Variants in BRINP3 observed in about 807,000 individuals in gnomAD.
BRINP3 encodes the protein BMP/retinoic acid-inducible neural-specific protein 3.
In BRINP3, 19 loss-of-function variants were observed where a neutral mutation model predicts 71.0. The ratio of observed to expected loss-of-function variants is 0.27; its 90% CI spans 0.19 to 0.39. The LOEUF is 0.39. Ranked by LOEUF, BRINP3 falls within the 10% of genes least tolerant of loss-of-function variation. The pLI is 1.00. For missense variants in BRINP3, 959 were observed against 940.8 expected (o/e 1.02, Z -0.25); for synonymous variants, 380 against 337.7 (o/e 1.13, Z -1.37).
chr1:190,220,356 C>T (rs1316811692), intron 6 of BRINP3, among the ~76,000 whole-genome samples: 4 of 151,776 alleles, frequency 2.6e-5, no homozygotes, highest in Non-Finnish European at 4.4e-5. Flanking sequence ...ATCACACGGA[C>T]ACAGGGAGAG....
intron 7 of BRINP3, among the ~76,000 whole-genome samples, chr1:190,157,949 C>G (rs1158733980): frequency 6.6e-6 from 1 of 152,020 alleles, no homozygotes; most frequent in Non-Finnish European, 1.5e-5. Context: ...AAAATAAAAT[C>G]ACGTCCTTTG....
intron 2 of BRINP3, among the ~76,000 whole-genome samples, chr1:190,352,408 A>G (rs1668447521): frequency 1.3e-5 from 2 of 152,014 alleles, no homozygotes; most frequent in Admixed American, 6.6e-5. Flanking sequence ...CATAGGTGCT[A>G]AATATTCTGC....
In BRINP3 at chr1:190,412,896, A is replaced by G. The variant is rs543652293; in HGVS notation, c.236+41759T>C. On this transcript the variant is annotated intron_variant, in intron 2 of 7. Transcript: ENST00000367462. ...ATTTAAAAAATAAAAGTAATTTACA[A>G]AAAGAAAGAAGAAAGGGAGAGAGAG... Among the ~76,000 whole-genome samples, 6 of 152,286 alleles carry G rather than the reference A, an allele frequency of 3.9e-5. No individual in the cohort carries two copies. In the East Asian group the frequency reaches 1.2e-3, roughly 29 times the overall value.
chr1:190,335,234 G>T (rs1667212108), intron 2 of BRINP3, among the ~76,000 whole-genome samples: 1 of 151,796 alleles, frequency 6.6e-6, no homozygotes, highest in South Asian at 2.1e-4. Flanking sequence ...AGCATGAACT[G>T]AAGATTAAAC....
chr1:190,240,561 A>T (rs891933500), intron 4 of BRINP3, among the ~76,000 whole-genome samples: 7 of 151,984 alleles, frequency 4.6e-5, no homozygotes, highest in African/African-American at 1.7e-4. Context: ...ATATATGAAG[A>T]ATTAGGGTAT....
rs192009168 is a variant in BRINP3, at chr1:190,375,585, C to T, written c.236+79070G>A. Among the ~76,000 whole-genome samples the T allele has an allele frequency of 2.4e-4, 37 of 151,954 alleles. No homozygotes were observed. In the East Asian group the frequency reaches 5.4e-3, roughly 22 times the overall value. Reference sequence around the variant, plus strand: ...TATATTTTAATAGGAAAGAGACCAACCCAACAGAAAATAGGCAACACATAT... The same window carrying T: ...TATATTTTAATAGGAAAGAGACCAATCCAACAGAAAATAGGCAACACATAT... On this transcript the variant is annotated intron_variant, in intron 2 of 7. Coordinates refer to ENST00000367462, the MANE Select transcript of BRINP3 (RefSeq NM_199051.3).
intron 2 of BRINP3, among the ~76,000 whole-genome samples, chr1:190,327,507 C>A (rs75297540): frequency 0.13 from 19,269 of 143,494 alleles, 1,669 homozygotes; most frequent in South Asian, 0.27. Flanking sequence ...AAAAAGCGAG[C>A]AGAGATTGCT....
chr1:190,230,168 T>A (rs769395546), intron 5 of BRINP3, among the ~76,000 whole-genome samples: 4 of 151,878 alleles, frequency 2.6e-5, no homozygotes, highest in Non-Finnish European at 5.9e-5. Flanking sequence ...CATAAAAGAT[T>A]TGTGTTATGA....
chr1:190,150,748 T>C (rs931522354), intron 7 of BRINP3, among the ~76,000 whole-genome samples: 2 of 152,178 alleles, frequency 1.3e-5, no homozygotes, highest in Non-Finnish European at 2.9e-5. Flanking sequence ...CTTTGAGTTA[T>C]TCCTCTTTTA....
intron 7 of BRINP3, among the ~76,000 whole-genome samples, chr1:190,130,597 T>A (rs1372661046): frequency 1.3e-5 from 2 of 151,996 alleles, no homozygotes; most frequent in African/African-American, 4.8e-5. Context: ...GTTCTAAAAG[T>A]GCCATATGCA....
intron 2 of BRINP3, among the ~76,000 whole-genome samples, chr1:190,412,151 A>G (rs1371434114): frequency 1.3e-5 from 2 of 152,066 alleles, no homozygotes; most frequent in African/African-American, 2.4e-5. Context: ...CAATAAAAAA[A>G]AAAGTACCTA....
intron 2 of BRINP3, among the ~76,000 whole-genome samples, chr1:190,299,590 C>A (rs1304124366): frequency 3.3e-5 from 4 of 120,244 alleles, no homozygotes; most frequent in East Asian, 3.0e-4. Context: ...CCCCTCCCCC[C>A]ACCCCACAAC....
chr1:190,333,441 T>C (rs1667090586), intron 2 of BRINP3, among the ~76,000 whole-genome samples: 1 of 151,720 alleles, frequency 6.6e-6, no homozygotes, highest in Non-Finnish European at 1.5e-5. Flanking sequence ...AAAATCAAAA[T>C]CAAAATAAAG....
chr1:190,454,875 T>C lies in BRINP3; in HGVS notation c.16A>G (p.Arg6Gly), dbSNP rs774875517. Residue 6 changes from arginine to glycine, a missense_variant, in exon 2 of 8, where the codon AGA (arginine) becomes GGA (glycine). Physicochemically the swap from Arg to Gly is moderately radical, Grantham distance 125. Coordinates refer to ENST00000367462, the MANE Select transcript of BRINP3 (RefSeq NM_199051.3). ...AGAGAGAACAATTCAGCACCAGCTC[T>C]GCTTCGCCATATCATGCTTCCACTG... MIWRS[R>G]AGAELFSLMA... 3 of 1,613,896 alleles carry C rather than the reference T, an allele frequency of 1.9e-6. No homozygotes were observed. The highest frequency in any genetic ancestry group is 1.7e-6 in the Non-Finnish European group (2 of 1,179,876).
chr1:190,210,937 G>C (rs112946208), intron 6 of BRINP3, among the ~76,000 whole-genome samples: 1 of 151,988 alleles, frequency 6.6e-6, no homozygotes, highest in Non-Finnish European at 1.5e-5. Context: ...CTCCTGTGCC[G>C]GGTGCTTTCT....
chr1:190,236,794 A>C (rs1243859311), intron 4 of BRINP3, among the ~76,000 whole-genome samples: 5 of 151,968 alleles, frequency 3.3e-5, no homozygotes, highest in Non-Finnish European at 7.4e-5. Context: ...CATCAAAGAG[A>C]ATACTTAGGG....
intron 3 of BRINP3, 107 bp downstream of exon 3, chr1:190,281,453 T>C: frequency 3.8e-6 from 4 of 1,045,792 alleles, no homozygotes; most frequent in Non-Finnish European, 5.7e-6. Flanking sequence ...GAATGAGTTC[T>C]ATAACTATTC....
At chr1:190,472,966 A>T (rs1286883099) in intron 1 of BRINP3, among the ~76,000 whole-genome samples, 1 of 151,882 alleles carries the variant, frequency 6.6e-6, no homozygotes, top group African/African-American at 2.4e-5. Context: ...ATGATGATGA[A>T]TTTCTTAAGA....
At chr1:190,254,283 GT>G (rs147239463) in intron 4 of BRINP3, among the ~76,000 whole-genome samples, 3,857 of 147,330 alleles carry the variant, frequency 0.026, 92 homozygotes, top group African/African-American at 0.068. Context: ...CTTTAAAATA[GT>G]TTTTTTTTTT....
Sources: gnomAD v4.1 joint callset for allele counts (sites outside exome capture counted in the v4.1 genomes callset) on GRCh38, gnomAD v4.1.1 for gene constraint, MANE v1.5 for transcripts, NCBI Gene and HGNC (gene_info 2026-07-23, HGNC 2026-07-21) for gene names.